Variants in ALMS1 observed in about 807,000 individuals in gnomAD.
ALMS1 encodes the protein centrosome-associated protein ALMS1.
Under a neutral mutation model 352.2 loss-of-function variants are expected in ALMS1, and 271 were observed. That is an observed-to-expected ratio of 0.77 (90% CI 0.70 to 0.85). The LOEUF is 0.85. Ranked by LOEUF, ALMS1 falls within the 40% of genes least tolerant of loss-of-function variation. The pLI is 0.00. For missense variants in ALMS1, 5,445 were observed against 4,870.7 expected (o/e 1.12, Z -3.51); for synonymous variants, 1,865 against 1,761.2 (o/e 1.06, Z -1.48).
At position 73,451,569 on chromosome 2, in the gene ALMS1, A is replaced by T; in HGVS notation, c.5042A>T (p.Asp1681Val). Reference sequence around the variant, plus strand: ...ATTTTCTACCAGCAGACCCTATCAGACAGTCATTTACCTGAAGAAGCTCTG... The same window carrying T: ...ATTTTCTACCAGCAGACCCTATCAGTCAGTCATTTACCTGAAGAAGCTCTG... The part of the protein sequence containing the change: ...PVIFYQQTLS[D>V]SHLPEEALKV... Residue 1681 changes from aspartate (D) to valine (V), a missense_variant, in exon 8 of 23, where the codon GAC becomes GTC. Coordinates refer to ENST00000613296, the MANE Select transcript of ALMS1 (RefSeq NM_001378454.1). The T allele has an allele frequency of 6.2e-7, 1 of 1,614,048 alleles. No homozygotes were observed. Among genetic ancestry groups the T allele is most frequent in the East Asian group, 2.2e-5 (1 of 44,870 alleles).
chr2:73,404,890 G>T (rs1040959565), intron 1 of ALMS1, among the ~76,000 whole-genome samples: 2 of 100,724 alleles, frequency 2.0e-5, no homozygotes, highest in Non-Finnish European at 3.8e-5. Context: ...AAGCTTTCTT[G>T]TCCTGGACCT....
chr2:73,454,429 C>G (rs2103795208), intron 8 of ALMS1: 1 of 935,084 alleles, frequency 1.1e-6, no homozygotes, highest in Non-Finnish European at 1.3e-6. Context: ...CTAATCCTCC[C>G]ATTATAGTAT....
chr2:73,429,192 A>ACTAGAGTCTCTGG (rs1671452233), intron 6 of ALMS1, among the ~76,000 whole-genome samples: 1 of 151,586 alleles, frequency 6.6e-6, no homozygotes, highest in Admixed American at 6.6e-5. Context: ...AAACTAGACT[A>ACTAGAGTCTCTGG]CTAGAGTCTC....
intron 7 of ALMS1, among the ~76,000 whole-genome samples, chr2:73,441,926 G>A (rs1054439594): frequency 1.3e-5 from 2 of 152,054 alleles, no homozygotes; most frequent in Non-Finnish European, 2.9e-5. Context: ...AATCATATGG[G>A]GGAAGTGAGG....
intron 12 of ALMS1, among the ~76,000 whole-genome samples, chr2:73,544,203 C>T (rs1674260629): frequency 1.3e-5 from 2 of 152,148 alleles, no homozygotes; most frequent in South Asian, 2.1e-4. Context: ...ATGATGAGTT[C>T]ATGTCCTTTG....
At chr2:73,446,842 G>A (rs936916649) in intron 7 of ALMS1, among the ~76,000 whole-genome samples, 1 of 152,150 alleles carries the variant, frequency 6.6e-6, no homozygotes, top group Non-Finnish European at 1.5e-5. Flanking sequence ...CAGACCTACT[G>A]AGTCAGAATC....
chr2:73,448,558 T>C lies in ALMS1; in HGVS notation c.2031T>C (p.Phe677=). 1.2e-6 allele frequency: 2 copies of C among 1,613,876 alleles called. No homozygotes were observed. Among genetic ancestry groups the C allele is most frequent in the Non-Finnish European group, 8.5e-7 (1 of 1,179,908 alleles). The change falls in exon 8 of 23, where the codon TTT becomes TTC. Residue 677 remains phenylalanine (F), a synonymous_variant. Transcript: ENST00000613296. The stretch of plus-strand genomic sequence containing the variant: ...ACTCACATGTAGAGGACCTCCTCTT[T>C]TTCTATCGACAGACCTTGCCAGATG... The part of the protein sequence containing the change: ...TSHSHVEDLL[F]FYRQTLPDGH...
In ALMS1 at chr2:73,534,905, C is replaced by G; in HGVS notation, c.9863C>G (p.Ser3288Cys). 2 of 1,613,786 alleles carry G rather than the reference C, an allele frequency of 1.2e-6. No homozygotes were observed. Among genetic ancestry groups the G allele is most frequent in the Non-Finnish European group, 1.7e-6 (2 of 1,179,762 alleles). ...YVPQLRQIPP[S>C]PDSKSDTTVE... ...CCACAATTAAGACAAATTCCTCCAT[C>G]TCCGGATTCCAAATCAGATACCACC... Residue 3288 changes from serine (S) to cysteine (C), a missense_variant, in exon 12 of 23, where the codon TCT becomes TGT. Coordinates refer to ENST00000613296, the MANE Select transcript of ALMS1 (RefSeq NM_001378454.1).
Position 73,424,671 on chromosome 2 carries a change from T to C in ALMS1, c.1006T>C (p.Cys336Arg), listed in dbSNP as rs746923506. The C allele has an allele frequency of 1.9e-6, 3 of 1,614,102 alleles. No individual in the cohort carries two copies. In the East Asian group the frequency reaches 6.7e-5, roughly 36 times the overall value. Residue 336 changes from cysteine (C) to arginine (R), a missense_variant, in exon 5 of 23, where the codon TGT (cysteine) becomes CGT (arginine). Physicochemically the swap from Cys to Arg is radical, Grantham distance 180. Transcript: ENST00000613296. The stretch of plus-strand genomic sequence containing the variant: ...TGATGAACTGAAAATTCCCAAAGAC[T>C]GTGATCGTTATGATGATCTTTGTTC... ...SVDELKIPKD[C>R]DRYDDLCSYM...
intron 10 of ALMS1, among the ~76,000 whole-genome samples, chr2:73,516,051 A>C (rs1673548773): frequency 6.6e-6 from 1 of 152,140 alleles, no homozygotes; most frequent in South Asian, 2.1e-4. Context: ...CTGTGCATCC[A>C]ACAAAGGTCT....
chr2:73,604,216 C>T (rs1450095390), intron 21 of ALMS1, among the ~76,000 whole-genome samples: 2 of 152,048 alleles, frequency 1.3e-5, no homozygotes, highest in South Asian at 2.1e-4. Context: ...CCATGATGAA[C>T]GAACATTAGC....
At chr2:73,405,701 G>A (rs932464243) in intron 1 of ALMS1, among the ~76,000 whole-genome samples, 7 of 151,160 alleles carry the variant, frequency 4.6e-5, no homozygotes, top group Admixed American at 1.3e-4. Flanking sequence ...AGGCATTTAC[G>A]ACTGTAGATT....
chr2:73,553,497 G>A (rs1674482082), intron 13 of ALMS1, among the ~76,000 whole-genome samples: 2 of 152,134 alleles, frequency 1.3e-5, no homozygotes, highest in African/African-American at 4.8e-5. Context: ...AGTTCTATTT[G>A]CAGCTATGAG....
intron 15 of ALMS1, among the ~76,000 whole-genome samples, chr2:73,564,807 G>A (rs1674769659): frequency 6.6e-6 from 1 of 152,196 alleles, no homozygotes; most frequent in African/African-American, 2.4e-5. Flanking sequence ...TGTAGAAGGG[G>A]ACAGTAAGAA....
intron 11 of ALMS1, among the ~76,000 whole-genome samples, chr2:73,522,601 TG>T (rs1673705334): frequency 6.6e-6 from 1 of 151,574 alleles, no homozygotes; most frequent in Non-Finnish European, 1.5e-5. Flanking sequence ...CCCAAGTAGC[TG>T]GGACTACAGG....
At chr2:73,408,864 C>CTTTTTTTTTTTTTT (rs58686365) in intron 2 of ALMS1, 117 bp downstream of exon 2, 1 of 170,816 alleles carries the variant, frequency 5.9e-6, no homozygotes, top group Non-Finnish European at 9.8e-6. Flanking sequence ...GTTTTCTTGT[C>CTTTTTTTTTTTTTT]TTTTTTTTTT....
At chr2:73,534,684 G>A (rs1374760512) in intron 11 of ALMS1, 140 bp from the exon 12 acceptor site, 3 of 790,062 alleles carry the variant, frequency 3.8e-6, no homozygotes, top group Non-Finnish European at 6.2e-6. Context: ...TCTTCTTGAA[G>A]GCAGAGATAC....
chr2:73,396,654 T>C (rs1670767995), intron 1 of ALMS1, among the ~76,000 whole-genome samples: 1 of 150,432 alleles, frequency 6.6e-6, no homozygotes, highest in East Asian at 1.9e-4. Flanking sequence ...TTCTTTTTTT[T>C]TTTTTTTGAG....
chr2:73,574,808 A>G (rs1472354819), intron 16 of ALMS1, among the ~76,000 whole-genome samples: 1 of 152,160 alleles, frequency 6.6e-6, no homozygotes, highest in Non-Finnish European at 1.5e-5. Context: ...TTTCAAGTAT[A>G]CAATTCTGTG....
Sources: gnomAD v4.1 joint callset for allele counts (sites outside exome capture counted in the v4.1 genomes callset) on GRCh38, gnomAD v4.1.1 for gene constraint, MANE v1.5 for transcripts, NCBI Gene and HGNC (gene_info 2026-07-23, HGNC 2026-07-21) for gene names.